TMED3: variants seen among roughly 807,000 people sequenced by gnomAD.
TMED3 encodes the protein transmembrane emp24 domain-containing protein 3.
In TMED3, 9 loss-of-function variants were observed where a neutral mutation model predicts 15.0. The ratio of observed to expected loss-of-function variants is 0.60; its 90% confidence interval spans 0.36 to 1.04. The LOEUF (loss-of-function observed/expected upper bound fraction) is 1.04. Among genes scored for constraint, TMED3 ranks in the 50% least tolerant of loss-of-function variants. The pLI is 0.01. For synonymous variants in TMED3, 117 were observed against 121.4 expected (o/e 0.96, Z 0.24); for missense variants, 267 against 278.9 (o/e 0.96, Z 0.30).
At chr15:79,375,619 C>T (rs60331367) in intron 2 of TMED3, among the ~76,000 whole-genome samples, 2,846 of 152,112 alleles carry the variant, frequency 0.019, 93 homozygotes, top group African/African-American at 0.065. Context: ...AAAGCAGAAG[C>T]AAGAGAGAGA....
At chr15:79,386,604 A>G (rs1391368046) in intron 2 of TMED3, among the ~76,000 whole-genome samples, 1 of 151,698 alleles carries the variant, frequency 6.6e-6, no homozygotes, top group African/African-American at 2.4e-5. Context: ...CAGTGGTGCG[A>G]TCTCAGCTCA....
chr15:79,399,284 C>G (rs1012217187), intron 2 of TMED3, among the ~76,000 whole-genome samples: 2 of 152,124 alleles, frequency 1.3e-5, no homozygotes, highest in African/African-American at 4.8e-5. Flanking sequence ...CTGAGCTCCC[C>G]AAGGCCCACT....
chr15:79,319,162 G>A (rs1316612254), intron 2 of TMED3, among the ~76,000 whole-genome samples: 1 of 152,208 alleles, frequency 6.6e-6, no homozygotes, highest in Non-Finnish European at 1.5e-5. Flanking sequence ...AACTCTATCA[G>A]TTCCATCTGA....
chr15:79,355,039 G>GT (rs2058913201), intron 2 of TMED3, among the ~76,000 whole-genome samples: 1 of 152,146 alleles, frequency 6.6e-6, no homozygotes, highest in South Asian at 2.1e-4. Context: ...GCCAATCCCT[G>GT]CCACTGGGTT....
Position 79,336,826 on chromosome 15 carries a change from G to T in TMED3, c.417+22821G>T, listed in dbSNP as rs1595892155. 3.3e-5 allele frequency among the ~76,000 whole-genome samples: 5 copies of T among 152,292 alleles called. No homozygotes were observed. In the South Asian group the frequency reaches 1.0e-3, roughly 32 times the overall value. Reference sequence around the variant, plus strand: ...CTACACCCACTAGAGTTGATCGATTGACTTATAAAATAGAGGGACATAGAT... The same window carrying T: ...CTACACCCACTAGAGTTGATCGATTTACTTATAAAATAGAGGGACATAGAT... On this transcript the variant is annotated intron_variant, in intron 2 of 2. Coordinates refer to the TMED3 transcript ENST00000424155.
chr15:79,370,579 C>A (rs1433979135), intron 2 of TMED3, among the ~76,000 whole-genome samples: 1 of 152,094 alleles, frequency 6.6e-6, no homozygotes, highest in African/African-American at 2.4e-5. Context: ...GTTTTCCTAA[C>A]TGGGCACTGA....
At chr15:79,348,177 G>A (rs7164612) in intron 2 of TMED3, among the ~76,000 whole-genome samples, 14,236 of 152,214 alleles carry the variant, frequency 0.094, 702 homozygotes, top group Admixed American at 0.12. Flanking sequence ...AGAGGGCACA[G>A]TGCCCTCTGA....
Position 79,411,178 on chromosome 15 carries a change from A to G in TMED3, c.418-222A>G, listed in dbSNP as rs115721614. Among the ~76,000 whole-genome samples the G allele has an allele frequency of 3.1e-3, 478 of 152,298 alleles. 2 individuals carry two copies. Among genetic ancestry groups the G allele is most frequent in the African/African-American group, 0.011 (465 of 41,574 alleles). ...GAAAAACAGGAACTAGAGCCTGTTCAATTTATCTTGTGGTTCCCAAGAGCT... is the reference window on the plus strand; with the variant it reads ...GAAAAACAGGAACTAGAGCCTGTTCGATTTATCTTGTGGTTCCCAAGAGCT... On this transcript the variant is annotated intron_variant, in intron 2 of 2. Coordinates refer to the TMED3 transcript ENST00000424155.
chr15:79,366,710 T>G (rs1210937070), intron 2 of TMED3, among the ~76,000 whole-genome samples: 1 of 152,242 alleles, frequency 6.6e-6, no homozygotes, highest in Non-Finnish European at 1.5e-5. Context: ...ATCCTAAAGC[T>G]AAGCTCGTGG....
intron 2 of TMED3, among the ~76,000 whole-genome samples, chr15:79,377,804 G>A (rs999631628): frequency 2.0e-5 from 3 of 151,928 alleles, no homozygotes; most frequent in East Asian, 1.9e-4. Context: ...CCGCCACCGC[G>A]CCGGGCCAAT....
At chr15:79,406,787 G>A (rs1893908676) in intron 2 of TMED3, among the ~76,000 whole-genome samples, 1 of 152,144 alleles carries the variant, frequency 6.6e-6, no homozygotes, top group Non-Finnish European at 1.5e-5. Context: ...GAATACTATG[G>A]CCTAATGGGC....
intron 1 of TMED3, among the ~76,000 whole-genome samples, chr15:79,313,231 C>T (rs2058724883): frequency 6.6e-6 from 1 of 152,008 alleles, no homozygotes; most frequent in South Asian, 2.1e-4. Flanking sequence ...CATCTAGTTG[C>T]ATTGGAATAG....
At chr15:79,335,510 C>T (rs550417095) in intron 2 of TMED3, among the ~76,000 whole-genome samples, 2 of 152,246 alleles carry the variant, frequency 1.3e-5, no homozygotes, top group South Asian at 4.1e-4. Flanking sequence ...TTACAAAGGC[C>T]ACAGGTGGCC....
intron 2 of TMED3, among the ~76,000 whole-genome samples, chr15:79,404,956 G>A (rs1195495276): frequency 6.6e-6 from 1 of 152,186 alleles, no homozygotes; most frequent in African/African-American, 2.4e-5. Flanking sequence ...TCTGCCATAG[G>A]CCACGGGTAT....
intron 2 of TMED3, among the ~76,000 whole-genome samples, chr15:79,321,084 T>C (rs147808638): frequency 0.014 from 2,087 of 152,326 alleles, 22 homozygotes; most frequent in Middle Eastern, 0.024. Flanking sequence ...TTTCTCATGC[T>C]TCAGAACTGT....
intron 2 of TMED3, among the ~76,000 whole-genome samples, chr15:79,389,171 A>G (rs545438760): frequency 3.8e-4 from 58 of 152,174 alleles, no homozygotes; most frequent in Non-Finnish European, 6.6e-4. Context: ...GCCTAAGCCA[A>G]TGTCTAGACG....
At chr15:79,352,344 C>G (rs2141234451) in intron 2 of TMED3, among the ~76,000 whole-genome samples, 1 of 152,202 alleles carries the variant, frequency 6.6e-6, no homozygotes, top group East Asian at 1.9e-4. Flanking sequence ...TGCTCTGGTC[C>G]CTGGTGAACA....
intron 2 of TMED3, chr15:79,382,952 T>G (rs1893561090): frequency 2.0e-6 from 3 of 1,535,432 alleles, no homozygotes; most frequent in South Asian, 2.4e-5. Flanking sequence ...TAAACACGAT[T>G]TATTTCTTTT....
At chr15:79,393,887 G>C (rs909461738) in intron 2 of TMED3, among the ~76,000 whole-genome samples, 1 of 152,074 alleles carries the variant, frequency 6.6e-6, no homozygotes, top group Non-Finnish European at 1.5e-5. Context: ...TGTAGAGACA[G>C]GGTTTCACCA....
Sources: allele counts gnomAD v4.1 joint callset (sites outside exome capture counted in the v4.1 genomes callset), GRCh38; gene constraint gnomAD v4.1.1; transcripts MANE v1.5; gene names NCBI Gene and HGNC (gene_info 2026-07-23, HGNC 2026-07-21).